Variants in FAIM observed in about 807,000 individuals in gnomAD.
FAIM encodes Fas apoptotic inhibitory molecule, also known as fas apoptotic inhibitory molecule 1.
A neutral mutation model predicts 21.2 loss-of-function variants in FAIM; 14 were observed. The observed-to-expected ratio is 0.66, with a 90% CI of 0.44 to 1.03. The LOEUF is 1.03. Among genes scored for constraint, FAIM ranks in the 50% least tolerant of loss-of-function variants. The probability of loss-of-function intolerance (pLI) is 0.00; values close to 1 mark genes in which losing one functional copy is unlikely to be tolerated. For synonymous variants in FAIM, 86 were observed against 80.4 expected, an observed-to-expected ratio of 1.07 and a Z score of -0.37; for missense variants, 222 against 247.1, an observed-to-expected ratio of 0.90 and a Z score of 0.68.
chr3:138,628,061 A>G (rs2042958864), intron 4 of FAIM, among the ~76,000 whole-genome samples: 1 of 152,038 alleles, frequency 6.6e-6, no homozygotes, highest in African/African-American at 2.4e-5. Flanking sequence ...GGACACTAAC[A>G]TTTGCAAGGG....
chr3:138,618,474 C>T (rs773206588), intron 1 of FAIM, among the ~76,000 whole-genome samples: 4 of 152,056 alleles, frequency 2.6e-5, no homozygotes, highest in African/African-American at 4.8e-5. Context: ...CGAGACCAGC[C>T]TGACCAACAT....
chr3:138,612,096 ATTTTTTT>A (rs138371254), intron 1 of FAIM, among the ~76,000 whole-genome samples: 2 of 100,778 alleles, frequency 2.0e-5, no homozygotes, highest in East Asian at 3.3e-4. Context: ...TTGTCTGGCT[ATTTTTTT>A]TTTTTTTTTT....
At chr3:138,618,961 A>C (rs2042856380) in intron 1 of FAIM, among the ~76,000 whole-genome samples, 1 of 152,232 alleles carries the variant, frequency 6.6e-6, no homozygotes, top group Non-Finnish European at 1.5e-5. Context: ...TTAACACTGC[A>C]GCCCAGTTAC....
chr3:138,629,137 G>C lies in FAIM; in HGVS notation c.437G>C (p.Gly146Ala). Residue 146 changes from glycine (G) to alanine (A), a missense_variant, in exon 5 of 6, where the codon GGT (glycine) becomes GCT (alanine). Transcript: ENST00000360570. ...GATGCTATGGACGTATGGTGCAATGGTAAAAAATTGGAGACAGCGGTAAGT... is the reference window on the plus strand; with the variant it reads ...GATGCTATGGACGTATGGTGCAATGCTAAAAAATTGGAGACAGCGGTAAGT... ...EKDAMDVWCNGKKLETAGEFV... is the reference protein window; with the variant it reads ...EKDAMDVWCNAKKLETAGEFV... The C allele has an allele frequency of 8.1e-6, 13 of 1,611,828 alleles. No individual in the cohort carries two copies. Among genetic ancestry groups the C allele is most frequent in the Non-Finnish European group, 1.1e-5 (13 of 1,179,208 alleles).
chr3:138,623,722 A>G (rs1056392558), intron 4 of FAIM, among the ~76,000 whole-genome samples: 1 of 152,168 alleles, frequency 6.6e-6, no homozygotes, highest in East Asian at 1.9e-4. Flanking sequence ...CTCCTGTTCT[A>G]AGTATCCAAG....
intron 1 of FAIM, among the ~76,000 whole-genome samples, chr3:138,612,390 C>T (rs772491334): frequency 7.2e-5 from 11 of 151,970 alleles, no homozygotes; most frequent in South Asian, 2.1e-4. Flanking sequence ...CGTGAGTCAC[C>T]GCGCCCGGCC....
rs749230069 is a variant in FAIM at position 138,622,435 on chromosome 3, C to T, written c.406+19C>T. ...GTTTTGGGTAAGTTAGTGCTGTTTC[C>T]GCAGAACTTTTTTTTTTTTTTTATA... On this transcript the variant is annotated intron_variant, in intron 4 of 5. Transcript: ENST00000360570. The T allele has an allele frequency of 1.0e-5, 15 of 1,472,210 alleles. No homozygotes were observed. The highest frequency in any genetic ancestry group is 2.9e-5 in the African/African-American group (2 of 68,152). The allele number at this position is 1,472,210 out of a possible 1,614,324, so 91.2% of individuals were successfully genotyped here.
At chr3:138,629,282 T>C (rs1256179366) in intron 5 of FAIM, 126 bp downstream of exon 5, 1 of 714,544 alleles carries the variant, frequency 1.4e-6, no homozygotes, top group African/African-American at 1.9e-5. Flanking sequence ...AAAAAAGGGA[T>C]TAAGTACTCC....
rs376508856 is a variant in FAIM at position 138,629,065 on chromosome 3, A to G, written c.407-42A>G. ...TAGGAAAAGTTAACTTTATCTTTAA[A>G]TCACAGAATTATAACTTAAAGTTTT... is the stretch of plus-strand genomic sequence containing the variant. On this transcript the variant is annotated intron_variant, in intron 4 of 5. Transcript: ENST00000360570. The G allele has an allele frequency of 5.0e-5, 72 of 1,452,470 alleles. No homozygotes were observed. The African/African-American group carries it at 8.4e-4, about 17-fold the overall frequency. The allele number at this position is 1,452,470 out of a possible 1,614,324, so 90.0% of individuals were successfully genotyped here. A position where few individuals can be genotyped will look rare whatever the true frequency, so the allele number is the denominator to read the frequency against.
At chr3:138,620,769 A>AT (rs772981376) in intron 2 of FAIM, among the ~76,000 whole-genome samples, 82 of 152,232 alleles carry the variant, frequency 5.4e-4, no homozygotes, top group Non-Finnish European at 1.1e-3. Flanking sequence ...GATTACAGGC[A>AT]TGAGCCCCTG....
In FAIM at chr3:138,629,003, G is replaced by A. The variant is rs1220654610; in HGVS notation, c.407-104G>A. On this transcript the variant is annotated intron_variant, in intron 4 of 5. Transcript: ENST00000360570. ...GTTTTGGAATATTAATGGAGTTTTAGAGATCTGGTATATCAATCCTTTCCT... is the reference window on the plus strand; with the variant it reads ...GTTTTGGAATATTAATGGAGTTTTAAAGATCTGGTATATCAATCCTTTCCT... 1.2e-5 allele frequency: 9 copies of A among 778,790 alleles called. No individual in the cohort carries two copies. In the East Asian group the frequency reaches 1.7e-4, roughly 15 times the overall value. 48.2% of individuals were successfully genotyped at this position (778,790 alleles called of 1,614,324 possible).
chr3:138,621,480 A>G lies in FAIM; in HGVS notation c.118A>G (p.Lys40Glu). 1 of 1,614,080 alleles carries G rather than the reference A, an allele frequency of 6.2e-7. No individual in the cohort carries two copies. The highest frequency in any genetic ancestry group is 8.5e-7 in the Non-Finnish European group (1 of 1,179,958). The part of the protein sequence containing the change: ...WDVALSDGVH[K>E]IEFEHGTTSG... ...TGTTGCTTTAAGTGACGGAGTCCAC[A>G]AGATCGAATTTGAACATGGGACTAC... Residue 40 changes from lysine to glutamate, a missense_variant, in exon 3 of 6, where the codon AAG (lysine) becomes GAG (glutamate). Transcript: ENST00000360570.
chr3:138,626,340 T>C (rs1322222860), intron 4 of FAIM, among the ~76,000 whole-genome samples: 5 of 152,190 alleles, frequency 3.3e-5, no homozygotes, highest in Non-Finnish European at 5.9e-5. Flanking sequence ...CATTAAAAAG[T>C]CTTGCTTCCA....
intron 4 of FAIM, among the ~76,000 whole-genome samples, chr3:138,623,303 C>A (rs532621509): frequency 5.4e-4 from 82 of 152,144 alleles, no homozygotes; most frequent in African/African-American, 1.9e-3. Context: ...CTTTTCTTTG[C>A]CCATATTCCT....
chr3:138,616,737 G>T (rs2042829272), intron 1 of FAIM, among the ~76,000 whole-genome samples: 1 of 151,992 alleles, frequency 6.6e-6, no homozygotes, highest in Non-Finnish European at 1.5e-5. Flanking sequence ...TTAAAATAAT[G>T]GATAGCATGA....
At chr3:138,620,964 A>C (rs1378199145) in intron 2 of FAIM, among the ~76,000 whole-genome samples, 2 of 152,202 alleles carry the variant, frequency 1.3e-5, no homozygotes, top group Admixed American at 1.3e-4. Flanking sequence ...TGCGAGTTTA[A>C]GTATGGGAGG....
At chr3:138,620,432 G>A (rs1356869464) in intron 2 of FAIM, among the ~76,000 whole-genome samples, 8 of 152,150 alleles carry the variant, frequency 5.3e-5, no homozygotes, top group Admixed American at 1.3e-4. Flanking sequence ...ATTCACATAG[G>A]ATATATTAAC....
rs1045695652 is a variant in FAIM at position 138,628,637 on chromosome 3, A to G, written c.407-470A>G. ...GTAGCTGGGACTACAGGCACCCACC[A>G]CCATGCCCGGCTAATTATTGTATTT... On this transcript the variant is annotated intron_variant, in intron 4 of 5. Transcript: ENST00000360570. Among the ~76,000 whole-genome samples the G allele has an allele frequency of 1.1e-4, 17 of 151,958 alleles. No individual in the cohort carries two copies. The East Asian group carries it at 1.9e-3, about 17-fold the overall frequency.
At position 138,622,199 on chromosome 3, in the gene FAIM, A is replaced by G. The variant is rs1310160373; in HGVS notation, c.189A>G (p.Arg63=). 1.9e-6 allele frequency: 3 copies of G among 1,606,380 alleles called. No individual in the cohort carries two copies. The highest frequency in any genetic ancestry group is 3.4e-5 in the Admixed American group (2 of 58,196). The stretch of plus-strand genomic sequence containing the variant: ...GTTTTATTATGTAGGAAGAGATAAG[A>G]AAAGAGTGGATGTTCAAATTAGTGG... ...VVYVDGKEEI[R]KEWMFKLVGK... Residue 63 remains arginine (R), a synonymous_variant, in exon 4 of 6, where the codon AGA becomes AGG. Transcript: ENST00000360570.
Sources: gnomAD v4.1 joint callset for allele counts (sites outside exome capture counted in the v4.1 genomes callset) on GRCh38, gnomAD v4.1.1 for gene constraint, MANE v1.5 for transcripts, NCBI Gene and HGNC (gene_info 2026-07-23, HGNC 2026-07-21) for gene names.